Variants in CDH4 observed in about 807,000 individuals in gnomAD.
CDH4 encodes cadherin 4.
A neutral mutation model predicts 86.0 loss-of-function variants in CDH4; 33 were observed. That is an observed-to-expected ratio of 0.38 (90% CI 0.29 to 0.51). The LOEUF (loss-of-function observed/expected upper bound fraction) is 0.51. Among genes scored for constraint, CDH4 ranks in the 20% least tolerant of loss-of-function variants. The pLI, the probability that CDH4 is intolerant of heterozygous loss-of-function variation, is 0.86. For synonymous variants in CDH4, 555 were observed against 549.4 expected (o/e 1.01, Z -0.14); for missense variants, 1,114 against 1,307.4 (o/e 0.85, Z 2.28).
chr20:61,458,328 TG>T (rs2085421279), intron 2 of CDH4, among the ~76,000 whole-genome samples: 1 of 151,228 alleles, frequency 6.6e-6, no homozygotes, highest in Admixed American at 6.6e-5. Context: ...GTGATGGTCA[TG>T]GTCATGAGGG....
intron 2 of CDH4, among the ~76,000 whole-genome samples, chr20:61,657,560 G>T (rs906418456): frequency 6.6e-6 from 1 of 152,200 alleles, no homozygotes; most frequent in Non-Finnish European, 1.5e-5. Context: ...TCCCCAGATG[G>T]GGAAAACGTG....
intron 9 of CDH4, among the ~76,000 whole-genome samples, chr20:61,911,259 G>T (rs913476310): frequency 5.3e-5 from 8 of 152,132 alleles, no homozygotes; most frequent in African/African-American, 1.7e-4. Flanking sequence ...TTTCTTTGAT[G>T]GTTTTGGTCA....
At chr20:61,661,888 T>C (rs1475756978) in intron 2 of CDH4, among the ~76,000 whole-genome samples, 2 of 152,144 alleles carry the variant, frequency 1.3e-5, no homozygotes, top group Non-Finnish European at 2.9e-5. Flanking sequence ...TCACTTGATA[T>C]TGTGCCGCGG....
At chr20:61,890,169 A>G (rs1044016100) in intron 7 of CDH4, among the ~76,000 whole-genome samples, 3 of 117,880 alleles carry the variant, frequency 2.5e-5, no homozygotes, top group African/African-American at 1.1e-4. Flanking sequence ...GGGTGAATGG[A>G]TGGTTGGATG....
At chr20:61,795,078 G>GGA (rs1979454083) in intron 4 of CDH4, among the ~76,000 whole-genome samples, 1 of 3,416 alleles carries the variant, frequency 2.9e-4, no homozygotes, top group African/African-American at 1.3e-3. Context: ...AATGGTGAGG[G>GGA]TGATGATGTT....
Position 61,934,239 on chromosome 20 carries a change from T to TG in CDH4, c.2544+25dup. 3 of 1,514,832 alleles carry TG rather than the reference T, an allele frequency of 2.0e-6. No homozygotes were observed. Among genetic ancestry groups the TG allele is most frequent in the African/African-American group, 1.4e-5 (1 of 71,184 alleles). The allele number at this position is 1,514,832 out of a possible 1,614,324, so 93.8% of individuals were successfully genotyped here. On this transcript the variant is annotated intron_variant, in intron 15 of 15. Transcript: ENST00000614565. ...CAATGAGGTGTGTGCCTCTCGGCAG[T>TG]GGGGGGCCCGGGCAAGGTGTCTCCT...
At chr20:61,661,106 C>T (rs1321106316) in intron 2 of CDH4, among the ~76,000 whole-genome samples, 2 of 131,708 alleles carry the variant, frequency 1.5e-5, no homozygotes, top group African/African-American at 5.5e-5. Flanking sequence ...AGACACAGTG[C>T]CAGGCTCATG....
chr20:61,692,225 GTA>G lies in CDH4; in HGVS notation c.170-51336_170-51335del, dbSNP rs1196418064. On this transcript the variant is annotated intron_variant, in intron 2 of 15. Coordinates refer to ENST00000614565, the MANE Select transcript of CDH4 (RefSeq NM_001794.5). Reference sequence around the variant, plus strand: ...TGTGTATGTCTATGTATGTATGTGTGTATGTGTGTGTATGTATGTGTGTGTAT... The same window carrying G: ...TGTGTATGTCTATGTATGTATGTGTGTGTGTGTGTATGTATGTGTGTGTAT... 2.5e-4 allele frequency among the ~76,000 whole-genome samples: 37 copies of G among 145,620 alleles called. No individual in the cohort carries two copies. In the East Asian group the frequency reaches 4.3e-3, roughly 17 times the overall value.
intron 7 of CDH4, among the ~76,000 whole-genome samples, chr20:61,885,913 T>C (rs1377334117): frequency 6.6e-6 from 1 of 151,994 alleles, no homozygotes; most frequent in Non-Finnish European, 1.5e-5. Context: ...TTGGGGAGTG[T>C]GTGGTCCAGG....
At chr20:61,574,384 G>T (rs367827605) in intron 2 of CDH4, among the ~76,000 whole-genome samples, 69 of 152,346 alleles carry the variant, frequency 4.5e-4, no homozygotes, top group South Asian at 1.7e-3. Context: ...GCATCTCACT[G>T]CAGTGGGAGT....
intron 2 of CDH4, among the ~76,000 whole-genome samples, chr20:61,670,387 A>G (rs1045346686): frequency 3.9e-5 from 6 of 152,172 alleles, no homozygotes; most frequent in Non-Finnish European, 7.3e-5. Context: ...TCCCAGCCTC[A>G]GTCATATATC....
chr20:61,786,519 T>C (rs556164019), intron 4 of CDH4, among the ~76,000 whole-genome samples: 1 of 152,280 alleles, frequency 6.6e-6, no homozygotes, highest in South Asian at 2.1e-4. Flanking sequence ...CCTTTGTGTT[T>C]ACCGCCCTCT....
intron 4 of CDH4, among the ~76,000 whole-genome samples, chr20:61,797,609 A>C (rs1979599722): frequency 6.6e-6 from 1 of 151,554 alleles, no homozygotes; most frequent in South Asian, 2.1e-4. Flanking sequence ...AGATAGCAAG[A>C]TCCCATCTCT....
chr20:61,822,503 G>A (rs953517301), intron 4 of CDH4, among the ~76,000 whole-genome samples: 3 of 152,170 alleles, frequency 2.0e-5, no homozygotes, highest in Non-Finnish European at 2.9e-5. Context: ...GTGGTTCGGC[G>A]ACCTCGCTAT....
chr20:61,756,518 C>G (rs1418751267), intron 3 of CDH4, among the ~76,000 whole-genome samples: 2 of 150,520 alleles, frequency 1.3e-5, no homozygotes, highest in African/African-American at 4.9e-5. Flanking sequence ...CCCATCCCCC[C>G]ATCCCCCTGG....
intron 3 of CDH4, among the ~76,000 whole-genome samples, chr20:61,745,808 G>T (rs535682229): frequency 6.6e-6 from 1 of 152,182 alleles, no homozygotes; most frequent in Non-Finnish European, 1.5e-5. Flanking sequence ...ATTGTGAGCC[G>T]AGAGCAGAGC....
chr20:61,504,340 G>A (rs74904735), intron 2 of CDH4, among the ~76,000 whole-genome samples: 3,506 of 152,276 alleles, frequency 0.023, 139 homozygotes, highest in African/African-American at 0.078. Flanking sequence ...TCAGATGTTC[G>A]GATTGTGGTT....
At chr20:61,640,946 G>T (rs1476241817) in intron 2 of CDH4, among the ~76,000 whole-genome samples, 1 of 152,224 alleles carries the variant, frequency 6.6e-6, no homozygotes, top group Non-Finnish European at 1.5e-5. Context: ...AGGCAGCTGG[G>T]CCTGCTGTGG....
intron 2 of CDH4, among the ~76,000 whole-genome samples, chr20:61,587,577 A>G (rs924657984): frequency 1.3e-5 from 2 of 151,904 alleles, no homozygotes; most frequent in Non-Finnish European, 2.9e-5. Flanking sequence ...GGGCCCAGGG[A>G]CAAAATGATT....
Sources: gnomAD v4.1 joint callset for allele counts (sites outside exome capture counted in the v4.1 genomes callset) on GRCh38, gnomAD v4.1.1 for gene constraint, MANE v1.5 for transcripts, NCBI Gene and HGNC (gene_info 2026-07-23, HGNC 2026-07-21) for gene names.